GLG1: variants seen among roughly 807,000 people sequenced by gnomAD.
The protein encoded by GLG1 is Golgi apparatus protein 1.
A neutral mutation model predicts 160.5 loss-of-function variants in GLG1; 38 were observed. The ratio of observed to expected loss-of-function variants is 0.24; its 90% CI spans 0.18 to 0.31. GLG1 has a LOEUF of 0.31. GLG1 is among the 10% of genes least tolerant of loss of function. The pLI, the probability that GLG1 is intolerant of heterozygous loss-of-function variation, is 1.00. For missense variants in GLG1, 1,373 were observed against 1,505.2 expected (o/e 0.91, Z 1.45); for synonymous variants, 644 against 543.4 (o/e 1.19, Z -2.57).
chr16:74,452,049 A>G lies in GLG1; in HGVS notation c.*1118T>C. ...TCTGGGAAGTTTGTCTGGAGTGTGC[A>G]GAAAGGTCAGGCTGGACTGCCTGTC... On this transcript the variant is annotated 3_prime_UTR_variant, in exon 26 of 26. Coordinates refer to ENST00000422840, the MANE Select transcript of GLG1 (RefSeq NM_001145667.2). The G allele has an allele frequency of 6.2e-7, 1 of 1,606,132 alleles. No homozygotes were observed. Among genetic ancestry groups the G allele is most frequent in the Non-Finnish European group, 8.5e-7 (1 of 1,172,664 alleles).
At chr16:74,597,784 G>A (rs988645204) in intron 1 of GLG1, among the ~76,000 whole-genome samples, 10 of 151,592 alleles carry the variant, frequency 6.6e-5, no homozygotes, top group Non-Finnish European at 1.5e-4. Context: ...AACCCGGGAG[G>A]TGGAGCTTGC....
chr16:74,493,645 A>T (rs539855067), intron 6 of GLG1, among the ~76,000 whole-genome samples: 1 of 152,352 alleles, frequency 6.6e-6, no homozygotes, highest in South Asian at 2.1e-4. Flanking sequence ...CTTCAGCTAC[A>T]CAGGAAAGTA....
At chr16:74,477,274 A>G in intron 12 of GLG1, 122 bp downstream of exon 12, 1 of 825,384 alleles carries the variant, frequency 1.2e-6, no homozygotes, top group Non-Finnish European at 2.0e-6. Flanking sequence ...ATATTGAACA[A>G]TACAACAAAT....
chr16:74,524,249 T>G (rs1358157015), intron 2 of GLG1, among the ~76,000 whole-genome samples: 2 of 152,238 alleles, frequency 1.3e-5, no homozygotes, highest in East Asian at 3.9e-4. Flanking sequence ...AGCTCAATTT[T>G]TTCCTTTTTA....
At chr16:74,567,760 G>C (rs12924795) in intron 1 of GLG1, among the ~76,000 whole-genome samples, 18,578 of 150,654 alleles carry the variant, frequency 0.12, 1,555 homozygotes, top group Middle Eastern at 0.19. Context: ...AGTAGAGACG[G>C]GGTTTCACCT....
At position 74,607,059 on chromosome 16, in the gene GLG1, G is replaced by A. The variant is rs1958592622; in HGVS notation, c.36C>T (p.Arg12=). Residue 12 remains arginine (R), a synonymous_variant, in exon 1 of 26, where the codon CGC becomes CGT. Coordinates refer to ENST00000422840, the MANE Select transcript of GLG1 (RefSeq NM_001145667.2). The part of the protein sequence containing the change: ...AACGRVRRMF[R]LSAALHLLLL... ...GCAGCAGATGCAGCGCCGCCGACAA[G>A]CGGAACATCCTCCGTACACGTCCAC... 6.3e-7 allele frequency: 1 copy of A among 1,586,408 alleles called. No homozygotes were observed. The highest frequency in any genetic ancestry group is 8.6e-7 in the Non-Finnish European group (1 of 1,169,394).
chr16:74,593,117 TTGGACTTCCCAACCTCCAGAACCA>T (rs1958220858), intron 1 of GLG1, among the ~76,000 whole-genome samples: 1 of 152,172 alleles, frequency 6.6e-6, no homozygotes, highest in Non-Finnish European at 1.5e-5. Context: ...CCTCTCAATC[TTGGACTTCCCAACCTCCAGAACCA>T]TGAGCCAAAT....
chr16:74,488,412 G>A (rs2015867611), intron 8 of GLG1, among the ~76,000 whole-genome samples: 1 of 151,874 alleles, frequency 6.6e-6, no homozygotes, highest in South Asian at 2.1e-4. Flanking sequence ...ATAAAAATAA[G>A]CTCCCCCAAA....
chr16:74,584,994 A>G (rs1382430113), intron 1 of GLG1, among the ~76,000 whole-genome samples: 1 of 152,152 alleles, frequency 6.6e-6, no homozygotes, highest in East Asian at 1.9e-4. Context: ...AAATCTCAGA[A>G]ATCACCACTA....
chr16:74,460,949 C>A (rs1393662437), intron 22 of GLG1, among the ~76,000 whole-genome samples: 1 of 152,222 alleles, frequency 6.6e-6, no homozygotes, highest in Non-Finnish European at 1.5e-5. Context: ...CCCGCACACA[C>A]ACGCACACAT....
At chr16:74,600,754 A>C (rs981877591) in intron 1 of GLG1, among the ~76,000 whole-genome samples, 3 of 145,810 alleles carry the variant, frequency 2.1e-5, no homozygotes, top group Non-Finnish European at 4.5e-5. Context: ...AAAAAAAAAA[A>C]CAAAAAAAAA....
chr16:74,605,446 A>G (rs1958544230), intron 1 of GLG1, among the ~76,000 whole-genome samples: 1 of 152,222 alleles, frequency 6.6e-6, no homozygotes, highest in Non-Finnish European at 1.5e-5. Flanking sequence ...CAAAGAGCGA[A>G]AAGAAAATTC....
At chr16:74,588,871 A>C (rs1958109069) in intron 1 of GLG1, among the ~76,000 whole-genome samples, 1 of 152,202 alleles carries the variant, frequency 6.6e-6, no homozygotes, top group African/African-American at 2.4e-5. Context: ...TGAAAGCTAA[A>C]TAGCAACTTG....
chr16:74,591,214 C>T (rs539233710), intron 1 of GLG1, among the ~76,000 whole-genome samples: 26 of 152,134 alleles, frequency 1.7e-4, no homozygotes, highest in African/African-American at 5.3e-4. Flanking sequence ...ACCTGTAGTC[C>T]CAGCTACTCA....
At chr16:74,489,903 G>C (rs1408256590) in intron 8 of GLG1, among the ~76,000 whole-genome samples, 1 of 152,136 alleles carries the variant, frequency 6.6e-6, no homozygotes, top group Non-Finnish European at 1.5e-5. Context: ...AGACCGCAAA[G>C]TTTTGTTTCA....
At position 74,507,280 on chromosome 16, in the gene GLG1, C is replaced by A. The variant is rs370030401; in HGVS notation, c.558+1559G>T. Among the ~76,000 whole-genome samples, 4 of 152,204 alleles carry A rather than the reference C, an allele frequency of 2.6e-5. No homozygotes were observed. The South Asian group carries it at 6.2e-4, about 24-fold the overall frequency. On this transcript the variant is annotated intron_variant, in intron 3 of 25. Coordinates refer to ENST00000422840, the MANE Select transcript of GLG1 (RefSeq NM_001145667.2). ...CGTGATACACACATTATATGGAAACCAGCCTAATGCAAAGAGTGAAATTAT... is the reference window on the plus strand; with the variant it reads ...CGTGATACACACATTATATGGAAACAAGCCTAATGCAAAGAGTGAAATTAT...
chr16:74,603,698 T>C (rs1264353806), intron 1 of GLG1, among the ~76,000 whole-genome samples: 3 of 152,068 alleles, frequency 2.0e-5, no homozygotes, highest in Admixed American at 6.6e-5. Context: ...TATTTTAAAA[T>C]GACTGACAAC....
chr16:74,481,988 C>T (rs2015617499), intron 10 of GLG1, among the ~76,000 whole-genome samples: 2 of 152,120 alleles, frequency 1.3e-5, no homozygotes, highest in Admixed American at 1.3e-4. Context: ...TGGGGTTTCA[C>T]CGTGTTAGCC....
intron 2 of GLG1, among the ~76,000 whole-genome samples, chr16:74,522,191 G>GCTTT (rs1257094832): frequency 6.6e-6 from 1 of 152,232 alleles, no homozygotes; most frequent in African/African-American, 2.4e-5. Context: ...TGGGAAAAGG[G>GCTTT]CTTTGCTAAC....
Sources: allele counts gnomAD v4.1 joint callset (sites outside exome capture counted in the v4.1 genomes callset), GRCh38; gene constraint gnomAD v4.1.1; transcripts MANE v1.5; gene names NCBI Gene and HGNC (gene_info 2026-07-23, HGNC 2026-07-21).